The following ATP10A variants were observed in gnomAD, a reference collection of about 807,000 sequenced individuals.
ATP10A encodes the protein ATPase phospholipid transporting 10A (putative).
A neutral mutation model predicts 147.8 loss-of-function variants in ATP10A; 111 were observed. The observed-to-expected ratio is 0.75, with a 90% CI of 0.64 to 0.88. The LOEUF is 0.88. Among genes scored for constraint, ATP10A ranks in the 40% least tolerant of loss-of-function variants. The probability of loss-of-function intolerance (pLI) is 0.00; values close to 1 mark genes in which losing one functional copy is unlikely to be tolerated. For missense variants in ATP10A, 1,927 were observed against 1,959.0 expected (o/e 0.98, Z 0.31); for synonymous variants, 875 against 841.6 (o/e 1.04, Z -0.69).
intron 12 of ATP10A, among the ~76,000 whole-genome samples, chr15:25,704,918 T>C (rs1436737378): frequency 6.6e-6 from 1 of 152,192 alleles, no homozygotes; most frequent in African/African-American, 2.4e-5. Context: ...CCAGCGTCAC[T>C]GTGCTTGGTG....
intron 1 of ATP10A, among the ~76,000 whole-genome samples, chr15:25,843,531 C>A (rs1417921318): frequency 6.6e-6 from 1 of 152,146 alleles, no homozygotes; most frequent in East Asian, 1.9e-4. Context: ...TGCAGGAATT[C>A]ATCATTTGCA....
chr15:25,855,061 C>CAAAAAAA (rs58243465), intron 1 of ATP10A, among the ~76,000 whole-genome samples: 144 of 65,982 alleles, frequency 2.2e-3, no homozygotes, highest in African/African-American at 5.4e-3. Flanking sequence ...CTCCGTCTCA[C>CAAAAAAA]AAAAAAAAAA....
chr15:25,738,275 G>C (rs934162554), intron 2 of ATP10A, among the ~76,000 whole-genome samples: 1 of 152,130 alleles, frequency 6.6e-6, no homozygotes, highest in African/African-American at 2.4e-5. Flanking sequence ...CTGCCCCCTG[G>C]AGCATGGACA....
intron 2 of ATP10A, among the ~76,000 whole-genome samples, chr15:25,752,319 T>G (rs1166205338): frequency 1.3e-5 from 2 of 152,218 alleles, no homozygotes; most frequent in Non-Finnish European, 2.9e-5. Context: ...TATTCAGCTT[T>G]AAAAAGAAGG....
chr15:25,704,347 C>T (rs1245586976), intron 12 of ATP10A, among the ~76,000 whole-genome samples: 2 of 152,192 alleles, frequency 1.3e-5, no homozygotes, highest in Non-Finnish European at 2.9e-5. Flanking sequence ...TGAAACATAA[C>T]CCAAGCAGTT....
intron 1 of ATP10A, among the ~76,000 whole-genome samples, chr15:25,783,482 C>CCA (rs1555469260): frequency 6.8e-6 from 1 of 147,074 alleles, no homozygotes; most frequent in South Asian, 2.1e-4. Context: ...GAGGGACCCC[C>CCA]CCCTGGCAAA....
chr15:25,723,418 C>T (rs147947811), intron 6 of ATP10A, among the ~76,000 whole-genome samples: 1,933 of 151,768 alleles, frequency 0.013, 23 homozygotes, highest in Non-Finnish European at 0.02. Context: ...TTCACAATGT[C>T]CCATGACAAT....
chr15:25,863,360 G>T (rs1445722952), upstream of ATP10A, among the ~76,000 whole-genome samples: 1 of 151,468 alleles, frequency 6.6e-6, no homozygotes, highest in East Asian at 1.9e-4. Flanking sequence ...CCTTGTCCTC[G>T]CCGCCCGCCC....
chr15:25,742,993 G>A (rs1282952365), intron 2 of ATP10A, among the ~76,000 whole-genome samples: 1 of 152,180 alleles, frequency 6.6e-6, no homozygotes, highest in Non-Finnish European at 1.5e-5. Flanking sequence ...CGGCTTTTGG[G>A]TGTGAACGTG....
At chr15:25,796,923 T>C (rs1340033336) in intron 1 of ATP10A, among the ~76,000 whole-genome samples, 1 of 152,276 alleles carries the variant, frequency 6.6e-6, no homozygotes, top group African/African-American at 2.4e-5. Flanking sequence ...TTTTGATACA[T>C]GTATACACTG....
At chr15:25,862,595 G>T in intron 1 of ATP10A, 53 bp downstream of exon 1, 1 of 1,462,868 alleles carries the variant, frequency 6.8e-7, no homozygotes. Flanking sequence ...CAAGTTCCCG[G>T]GGCGCCCTGC....
chr15:25,854,295 A>G (rs1331275844), intron 1 of ATP10A, among the ~76,000 whole-genome samples: 1 of 152,240 alleles, frequency 6.6e-6, no homozygotes, highest in Non-Finnish European at 1.5e-5. Context: ...GATCAATTAC[A>G]TTAATATCCA....
chr15:25,687,863 G>A (rs1233129979), intron 15 of ATP10A, 35 bp from the exon 16 acceptor site: 1 of 1,613,510 alleles, frequency 6.2e-7, no homozygotes, highest in Non-Finnish European at 8.5e-7. Context: ...TACTGGTGAT[G>A]CCGACCTGGC....
At chr15:25,696,905 C>T (rs1045917495) in intron 13 of ATP10A, among the ~76,000 whole-genome samples, 2 of 152,214 alleles carry the variant, frequency 1.3e-5, no homozygotes, top group African/African-American at 4.8e-5. Flanking sequence ...GCCGCAGACT[C>T]CAAGGGAGCT....
At chr15:25,689,529 G>A (rs1899895813) in intron 15 of ATP10A, among the ~76,000 whole-genome samples, 1 of 152,158 alleles carries the variant, frequency 6.6e-6, no homozygotes, top group African/African-American at 2.4e-5. Flanking sequence ...GCAACCCACA[G>A]CTCATCTCTC....
chr15:25,672,358 G>C (rs1284366017), downstream of ATP10A, among the ~76,000 whole-genome samples: 6 of 152,322 alleles, frequency 3.9e-5, no homozygotes, highest in East Asian at 1.2e-3. Context: ...CTTCTATGTA[G>C]AGTCCATATT....
intron 1 of ATP10A, among the ~76,000 whole-genome samples, chr15:25,813,129 C>T (rs1891502360): frequency 6.6e-6 from 1 of 152,104 alleles, no homozygotes; most frequent in Admixed American, 6.5e-5. Context: ...GTGGCTGAGG[C>T]TTGATCAGTA....
intron 2 of ATP10A, among the ~76,000 whole-genome samples, chr15:25,768,030 A>G (rs1312076410): frequency 6.6e-6 from 1 of 152,014 alleles, no homozygotes; most frequent in Non-Finnish European, 1.5e-5. Context: ...AAGTCCCCTC[A>G]CCCCTGTGAG....
intron 2 of ATP10A, among the ~76,000 whole-genome samples, chr15:25,760,545 A>C (rs1275276263): frequency 6.6e-6 from 1 of 152,216 alleles, no homozygotes; most frequent in African/African-American, 2.4e-5. Context: ...AGGGCAGTTC[A>C]TGGAAAGAAT....
Sources: allele counts gnomAD v4.1 joint callset (sites outside exome capture counted in the v4.1 genomes callset), GRCh38; gene constraint gnomAD v4.1.1; transcripts MANE v1.5; gene names NCBI Gene and HGNC (gene_info 2026-07-23, HGNC 2026-07-21).